SLAIN1: variants seen among roughly 807,000 people sequenced by gnomAD.
SLAIN1 encodes the protein SLAIN family member 1, also known as SLAIN motif-containing protein 1.
In SLAIN1, 17 loss-of-function variants were observed where a neutral mutation model predicts 55.4. The observed-to-expected ratio is 0.31, with a 90% confidence interval of 0.21 to 0.46. The LOEUF is 0.46. SLAIN1 is among the 20% of genes least tolerant of loss of function. The probability of loss-of-function intolerance (pLI) is 1.00; values close to 1 mark genes in which losing one functional copy is unlikely to be tolerated. For missense variants in SLAIN1, 682 were observed against 785.1 expected (o/e 0.87, Z 1.57); for synonymous variants, 348 against 337.4 (o/e 1.03, Z -0.35).
chr13:77,756,985 A>G (rs932617632), intron 5 of SLAIN1, among the ~76,000 whole-genome samples: 4 of 152,132 alleles, frequency 2.6e-5, no homozygotes, highest in African/African-American at 9.7e-5. Context: ...TTGAAAATTC[A>G]CTGAGCTGTA....
intron 2 of SLAIN1, among the ~76,000 whole-genome samples, chr13:77,730,969 G>A (rs974765720): frequency 6.6e-6 from 1 of 152,162 alleles, no homozygotes; most frequent in African/African-American, 2.4e-5. Context: ...TTCTCTGAAA[G>A]TTGGCCAAAG....
chr13:77,702,037 G>A (rs369238956), intron 1 of SLAIN1, among the ~76,000 whole-genome samples: 26 of 147,534 alleles, frequency 1.8e-4, no homozygotes, highest in South Asian at 4.4e-4. Flanking sequence ...TTGTTCTTGC[G>A]ATAGTTTACT....
chr13:77,705,359 T>G (rs566922514), intron 1 of SLAIN1, among the ~76,000 whole-genome samples: 1 of 151,958 alleles, frequency 6.6e-6, no homozygotes, highest in Admixed American at 6.6e-5. Flanking sequence ...TTAAAGAAAA[T>G]TAGAGTGACA....
chr13:77,757,946 C>A (rs1199337195), intron 5 of SLAIN1, among the ~76,000 whole-genome samples: 1 of 151,994 alleles, frequency 6.6e-6, no homozygotes, highest in Non-Finnish European at 1.5e-5. Context: ...TGGGTAGATA[C>A]CCAGTAGTGG....
At chr13:77,707,431 G>A (rs1364063838) in intron 1 of SLAIN1, among the ~76,000 whole-genome samples, 1 of 151,928 alleles carries the variant, frequency 6.6e-6, no homozygotes, top group Non-Finnish European at 1.5e-5. Context: ...ATTTTCATCT[G>A]TTCCCTGCAT....
In SLAIN1 at chr13:77,739,027, T is replaced by C. The variant is rs78078246; in HGVS notation, c.767-5256T>C. Among the ~76,000 whole-genome samples the C allele has an allele frequency of 5.2e-3, 794 of 152,172 alleles. 2 individuals are homozygous for C. Among genetic ancestry groups the C allele is most frequent in the Non-Finnish European group, 9.0e-3 (612 of 67,972 alleles). On this transcript the variant is annotated intron_variant, in intron 2 of 6. Coordinates refer to ENST00000418532, the MANE Select transcript of SLAIN1 (RefSeq NM_001242868.2). ...TGCTGTAGGAACTAACTCATCTTAGTGTCACCTGTTTAACCACTTTTCCAT... is the reference window on the plus strand; with the variant it reads ...TGCTGTAGGAACTAACTCATCTTAGCGTCACCTGTTTAACCACTTTTCCAT...
rs1448285165 is a variant in SLAIN1, at chr13:77,725,684, G to A, written c.766+6013G>A. 2.0e-5 allele frequency among the ~76,000 whole-genome samples: 3 copies of A among 152,180 alleles called. No individual in the cohort carries two copies. The South Asian group carries it at 6.2e-4, about 32-fold the overall frequency. On this transcript the variant is annotated intron_variant, in intron 2 of 6. Transcript: ENST00000418532. Reference sequence around the variant, plus strand: ...AGAGGGGCATAGCTGTGAGGAGCCAGAATGTTTCTGGTGGGCAGAGCTGGT... The same window carrying A: ...AGAGGGGCATAGCTGTGAGGAGCCAAAATGTTTCTGGTGGGCAGAGCTGGT...
chr13:77,740,582 T>G (rs1045001419), intron 2 of SLAIN1, among the ~76,000 whole-genome samples: 1 of 147,942 alleles, frequency 6.8e-6, no homozygotes, highest in African/African-American at 2.5e-5. Context: ...ATAGGGAAAT[T>G]TAACTGTTGT....
intron 5 of SLAIN1, among the ~76,000 whole-genome samples, chr13:77,754,692 C>T (rs1874474592): frequency 1.3e-5 from 2 of 152,264 alleles, no homozygotes; most frequent in South Asian, 2.1e-4. Context: ...TTCTCAAATA[C>T]CCCCCAAACA....
chr13:77,736,683 C>T (rs1358993217), intron 2 of SLAIN1, among the ~76,000 whole-genome samples: 3 of 152,096 alleles, frequency 2.0e-5, no homozygotes, highest in Non-Finnish European at 4.4e-5. Context: ...CATCAGTGGC[C>T]TGGTTGTTCT....
At chr13:77,734,561 A>G (rs1021285535) in intron 2 of SLAIN1, among the ~76,000 whole-genome samples, 1 of 152,174 alleles carries the variant, frequency 6.6e-6, no homozygotes, top group Non-Finnish European at 1.5e-5. Context: ...GTAACAACTG[A>G]GCAAAGACTA....
At chr13:77,749,751 G>A (rs1188052373) in intron 4 of SLAIN1, among the ~76,000 whole-genome samples, 2 of 152,172 alleles carry the variant, frequency 1.3e-5, no homozygotes, top group Admixed American at 1.3e-4. Flanking sequence ...GACAGGAAAT[G>A]TACCTCATTT....
At chr13:77,757,169 C>T (rs1213469444) in intron 5 of SLAIN1, among the ~76,000 whole-genome samples, 1 of 152,060 alleles carries the variant, frequency 6.6e-6, no homozygotes, top group Non-Finnish European at 1.5e-5. Context: ...CTGTATCTTC[C>T]TAGTTTCCCC....
intron 2 of SLAIN1, among the ~76,000 whole-genome samples, chr13:77,722,967 T>G (rs2091276024): frequency 6.6e-6 from 1 of 152,118 alleles, no homozygotes; most frequent in East Asian, 1.9e-4. Context: ...AGGCTGGTCT[T>G]GAATGCCTGA....
At chr13:77,730,642 T>G (rs1158011412) in intron 2 of SLAIN1, among the ~76,000 whole-genome samples, 1 of 152,186 alleles carries the variant, frequency 6.6e-6, no homozygotes, top group Non-Finnish European at 1.5e-5. Flanking sequence ...TTTGGAGCTC[T>G]TGTCAATTTG....
intron 2 of SLAIN1, among the ~76,000 whole-genome samples, chr13:77,720,720 A>T (rs2091254106): frequency 6.6e-6 from 1 of 152,226 alleles, no homozygotes; most frequent in Non-Finnish European, 1.5e-5. Flanking sequence ...TCAGGGACAG[A>T]GTCAGAGCCA....
At chr13:77,716,894 C>T (rs921252451) in intron 1 of SLAIN1, among the ~76,000 whole-genome samples, 2 of 152,090 alleles carry the variant, frequency 1.3e-5, no homozygotes, top group African/African-American at 2.4e-5. Context: ...CTAGGATCTT[C>T]AGCAGAGTGT....
intron 2 of SLAIN1, among the ~76,000 whole-genome samples, chr13:77,731,076 A>T (rs940131852): frequency 6.6e-6 from 1 of 152,168 alleles, no homozygotes; most frequent in Non-Finnish European, 1.5e-5. Context: ...TTCTAGAAGC[A>T]GGAACGTACT....
At chr13:77,742,346 A>G (rs1233954895) in intron 2 of SLAIN1, among the ~76,000 whole-genome samples, 1 of 152,114 alleles carries the variant, frequency 6.6e-6, no homozygotes, top group African/African-American at 2.4e-5. Flanking sequence ...GTTTTTTTTA[A>G]AGAAAAAATC....
Sources: allele counts gnomAD v4.1 joint callset (sites outside exome capture counted in the v4.1 genomes callset), GRCh38; gene constraint gnomAD v4.1.1; transcripts MANE v1.5; gene names NCBI Gene and HGNC (gene_info 2026-07-23, HGNC 2026-07-21).